ZNF385D: variants seen among roughly 807,000 people sequenced by gnomAD.
ZNF385D encodes zinc finger protein 659.
A neutral mutation model predicts 35.8 loss-of-function variants in ZNF385D; 15 were observed. The observed-to-expected ratio is 0.42, with a 90% CI of 0.28 to 0.64. The LOEUF (loss-of-function observed/expected upper bound fraction) is 0.64, where lower values mean the gene tolerates loss of function less well. ZNF385D is among the 30% of genes least tolerant of loss of function. The pLI is 0.23. For missense variants in ZNF385D, 474 were observed against 494.6 expected (o/e 0.96, Z 0.39); for synonymous variants, 212 against 186.8 (o/e 1.13, Z -1.10).
Position 21,915,045 on chromosome 3 carries a change from T to G in ZNF385D, c.326-250017A>C, listed in dbSNP as rs558726224. Reference sequence around the variant, plus strand: ...TCAATAGAAATCCAGAGTGTAAAAATTATTTTAAGAATGAGTAGAAATAGA... The same window carrying G: ...TCAATAGAAATCCAGAGTGTAAAAAGTATTTTAAGAATGAGTAGAAATAGA... On this transcript the variant is annotated intron_variant, in intron 3 of 5. Transcript: ENST00000494108. Among the ~76,000 whole-genome samples the G allele has an allele frequency of 2.0e-5, 3 of 147,070 alleles. No individual in the cohort carries two copies. In the Admixed American group the frequency reaches 2.1e-4, roughly 10 times the overall value.
rs542989097 is a variant in ZNF385D, at chr3:21,555,712, C to T, written c.276+8862G>A. 9.2e-5 allele frequency among the ~76,000 whole-genome samples: 14 copies of T among 152,184 alleles called. No individual in the cohort carries two copies. The South Asian group carries it at 2.7e-3, about 29-fold the overall frequency. ...TCTTTATAGTGGAATGATTTATAAT[C>T]CTTGGGGTGTATACCCAGTAATAAG... On this transcript the variant is annotated intron_variant, in intron 3 of 7. Coordinates refer to ENST00000281523, the MANE Select transcript of ZNF385D (RefSeq NM_024697.3).
chr3:22,056,417 A>T (rs1049948863), intron 3 of ZNF385D, among the ~76,000 whole-genome samples: 3 of 152,176 alleles, frequency 2.0e-5, no homozygotes, highest in Non-Finnish European at 4.4e-5. Flanking sequence ...ATGATAAGCT[A>T]AAATTCCATC....
At chr3:21,980,216 G>A (rs965662999) in intron 3 of ZNF385D, among the ~76,000 whole-genome samples, 3 of 152,150 alleles carry the variant, frequency 2.0e-5, no homozygotes, top group Non-Finnish European at 2.9e-5. Context: ...TACCTTGTAA[G>A]TAGATCCTCC....
intron 3 of ZNF385D, among the ~76,000 whole-genome samples, chr3:21,823,994 A>G (rs1297760085): frequency 6.6e-6 from 1 of 152,228 alleles, no homozygotes. Flanking sequence ...TGAAAATAAA[A>G]TGCAATTGTG....
At chr3:22,072,994 G>A (rs755146804) in intron 3 of ZNF385D, among the ~76,000 whole-genome samples, 3 of 151,896 alleles carry the variant, frequency 2.0e-5, no homozygotes, top group Non-Finnish European at 4.4e-5. Flanking sequence ...TGGTTTCCAG[G>A]CACTTTCAAT....
chr3:22,091,129 A>T (rs1701311540), intron 3 of ZNF385D, among the ~76,000 whole-genome samples: 1 of 152,120 alleles, frequency 6.6e-6, no homozygotes, highest in Admixed American at 6.6e-5. Context: ...CTAACTAGAG[A>T]TTTCAGATTT....
At chr3:22,125,112 C>T (rs917758479) in intron 3 of ZNF385D, among the ~76,000 whole-genome samples, 1 of 152,104 alleles carries the variant, frequency 6.6e-6, no homozygotes, top group Non-Finnish European at 1.5e-5. Context: ...AAGATAGCAG[C>T]TAGTCCCATT....
intron 1 of ZNF385D, among the ~76,000 whole-genome samples, chr3:21,750,368 C>G (rs959183641): frequency 1.3e-5 from 2 of 152,306 alleles, no homozygotes; most frequent in Admixed American, 1.3e-4. Context: ...CTAGGCTGCT[C>G]CTAGCTAGAC....
chr3:22,350,040 A>G (rs73041322), intron 2 of ZNF385D, among the ~76,000 whole-genome samples: 4,778 of 152,298 alleles, frequency 0.031, 114 homozygotes, highest in East Asian at 0.1. Context: ...TGTTCAGAAT[A>G]TAACCAAAAA....
At chr3:21,609,977 C>T (rs1402343731) in intron 2 of ZNF385D, among the ~76,000 whole-genome samples, 2 of 152,122 alleles carry the variant, frequency 1.3e-5, no homozygotes, top group African/African-American at 2.4e-5. Flanking sequence ...AAATAAATCT[C>T]CCACTTTTCT....
intron 3 of ZNF385D, among the ~76,000 whole-genome samples, chr3:21,994,666 C>T (rs1049053419): frequency 2.0e-5 from 3 of 152,114 alleles, no homozygotes; most frequent in African/African-American, 7.2e-5. Flanking sequence ...GTCACTTCTC[C>T]CAATTTTCTG....
intron 3 of ZNF385D, among the ~76,000 whole-genome samples, chr3:21,772,034 G>C (rs911077928): frequency 3.3e-5 from 5 of 151,856 alleles, no homozygotes; most frequent in Non-Finnish European, 7.4e-5. Flanking sequence ...ACAAGCAAAA[G>C]AATGTAAATG....
At chr3:22,245,682 C>G (rs1699738349) in intron 2 of ZNF385D, among the ~76,000 whole-genome samples, 1 of 140,622 alleles carries the variant, frequency 7.1e-6, no homozygotes, top group African/African-American at 2.7e-5. Flanking sequence ...ATGAAGGATT[C>G]AAGTGAAAAC....
chr3:21,985,336 G>A (rs1186843039), intron 3 of ZNF385D, among the ~76,000 whole-genome samples: 6 of 110,028 alleles, frequency 5.5e-5, no homozygotes, highest in East Asian at 4.4e-4. Flanking sequence ...TTTGAAATAC[G>A]TCCCATCAAT....
chr3:21,751,027 G>C lies in ZNF385D; in HGVS notation c.-111C>G, dbSNP rs1179442176. ...TACATTCGGTGGAAATGTCCCCGGC[G>C]TGGAGAGCAGTGAGCGCCGAGAGCG... is the stretch of plus-strand genomic sequence containing the variant. On this transcript the variant is annotated 5_prime_UTR_variant, in exon 1 of 8. Coordinates refer to ENST00000281523, the MANE Select transcript of ZNF385D (RefSeq NM_024697.3). 1.3e-6 allele frequency: 2 copies of C among 1,590,230 alleles called. No individual in the cohort carries two copies. The highest frequency in any genetic ancestry group is 3.5e-5 in the Admixed American group (2 of 57,068).
chr3:21,546,895 C>T (rs551491605), intron 3 of ZNF385D, among the ~76,000 whole-genome samples: 46 of 151,810 alleles, frequency 3.0e-4, no homozygotes, highest in Admixed American at 2.3e-3. Flanking sequence ...CTGCCAAAGT[C>T]GCTGGAGCTC....
At chr3:21,895,436 C>A (rs974629655) in intron 3 of ZNF385D, among the ~76,000 whole-genome samples, 5 of 146,278 alleles carry the variant, frequency 3.4e-5, no homozygotes, top group Non-Finnish European at 6.0e-5. Flanking sequence ...AAGTGATTCT[C>A]CTGCCTCAGC....
At chr3:22,290,157 T>G in intron 2 of ZNF385D, among the ~76,000 whole-genome samples, 1 of 152,224 alleles carries the variant, frequency 6.6e-6, no homozygotes, top group African/African-American at 2.4e-5. Flanking sequence ...GTGAGGAAAC[T>G]TAGAGTGCTA....
intron 1 of ZNF385D, among the ~76,000 whole-genome samples, chr3:21,736,723 G>T (rs2069260424): frequency 6.6e-6 from 1 of 152,194 alleles, no homozygotes; most frequent in African/African-American, 2.4e-5. Flanking sequence ...AGACTGGGGA[G>T]GGGAGAGCAA....
Sources: allele counts gnomAD v4.1 joint callset (sites outside exome capture counted in the v4.1 genomes callset), GRCh38; gene constraint gnomAD v4.1.1; transcripts MANE v1.5; gene names NCBI Gene and HGNC (gene_info 2026-07-23, HGNC 2026-07-21).